SMOC2: variants seen among roughly 807,000 people sequenced by gnomAD.
SMOC2 encodes the protein SPARC-related modular calcium-binding protein 2.
A neutral mutation model predicts 61.4 loss-of-function variants in SMOC2; 39 were observed. The observed-to-expected ratio is 0.64, with a 90% CI of 0.49 to 0.83. The LOEUF is 0.83. Among genes scored for constraint, SMOC2 ranks in the 40% least tolerant of loss-of-function variants. The pLI, the probability that SMOC2 is intolerant of heterozygous loss-of-function variation, is 0.00. For missense variants in SMOC2, 556 were observed against 592.9 expected (o/e 0.94, Z 0.65); for synonymous variants, 247 against 239.9 (o/e 1.03, Z -0.27).
At chr6:168,635,795 C>T (rs756668702) in intron 9 of SMOC2, among the ~76,000 whole-genome samples, 4 of 150,326 alleles carry the variant, frequency 2.7e-5, no homozygotes, top group African/African-American at 4.9e-5. Flanking sequence ...TGCTTGAACC[C>T]GGGAGGCAGA....
intron 1 of SMOC2, among the ~76,000 whole-genome samples, chr6:168,476,766 A>G (rs1207549288): frequency 6.6e-6 from 1 of 152,122 alleles, no homozygotes; most frequent in Non-Finnish European, 1.5e-5. Context: ...ATAATAATTT[A>G]TGTGCATTTC....
At chr6:168,580,296 A>G (rs769180796) in intron 7 of SMOC2, among the ~76,000 whole-genome samples, 2 of 152,204 alleles carry the variant, frequency 1.3e-5, no homozygotes, top group Non-Finnish European at 2.9e-5. Context: ...TGTTTTTTAG[A>G]ACATACATTT....
chr6:168,658,805 A>T lies in SMOC2; in HGVS notation c.1286-5269A>T, dbSNP rs562586979. ...CTGTTCTCCTGGAGGCCCTGCTCCT[A>T]AGTCACCCTTCCAGAGGAACCCATA... On this transcript the variant is annotated intron_variant, in intron 11 of 12. Coordinates refer to ENST00000356284, the MANE Select transcript of SMOC2 (RefSeq NM_001166412.2). Among the ~76,000 whole-genome samples, 4 of 152,182 alleles carry T rather than the reference A, an allele frequency of 2.6e-5. No individual in the cohort carries two copies. In the East Asian group the frequency reaches 7.7e-4, roughly 29 times the overall value.
chr6:168,617,072 G>A lies in SMOC2; in HGVS notation c.907+8833G>A, dbSNP rs114908890. ...AAGAAGGAGCGATATGGCTACTCTT[G>A]CAGCAAGGCCAGCAGAATTCTCAGT... On this transcript the variant is annotated intron_variant, in intron 9 of 12. Coordinates refer to ENST00000356284, the MANE Select transcript of SMOC2 (RefSeq NM_001166412.2). 9.9e-3 allele frequency among the ~76,000 whole-genome samples: 1,507 copies of A among 152,334 alleles called. 24 individuals carry two copies. Among genetic ancestry groups the A allele is most frequent in the African/African-American group, 0.034 (1,426 of 41,574 alleles).
chr6:168,470,752 A>G (rs567805362), intron 1 of SMOC2, among the ~76,000 whole-genome samples: 5 of 152,276 alleles, frequency 3.3e-5, no homozygotes, highest in South Asian at 4.1e-4. Flanking sequence ...ACTTTGTTCT[A>G]TGTTTAAACA....
chr6:168,482,706 T>C (rs1583047615), intron 1 of SMOC2, among the ~76,000 whole-genome samples: 1 of 152,212 alleles, frequency 6.6e-6, no homozygotes, highest in Non-Finnish European at 1.5e-5. Context: ...ATATACACCA[T>C]GATCATGTGG....
intron 7 of SMOC2, among the ~76,000 whole-genome samples, chr6:168,564,152 G>A (rs1028976657): frequency 6.6e-6 from 1 of 152,136 alleles, no homozygotes. Context: ...GACAAAACAC[G>A]AAGTTTCTTG....
intron 7 of SMOC2, among the ~76,000 whole-genome samples, chr6:168,590,758 G>GT (rs887175504): frequency 9.9e-5 from 15 of 152,222 alleles, no homozygotes; most frequent in Admixed American, 7.2e-4. Context: ...TTATTTAAGA[G>GT]TTTTTTTAAT....
rs1783717538 is a variant in SMOC2 at position 168,535,850 on chromosome 6, G to C, written c.464-7775G>C. Among the ~76,000 whole-genome samples, 1 of 152,218 alleles carries C rather than the reference G, an allele frequency of 6.6e-6. No individual in the cohort carries two copies. The highest frequency in any genetic ancestry group is 6.5e-5 in the Admixed American group (1 of 15,286). On this transcript the variant is annotated intron_variant, in intron 4 of 12. Coordinates refer to ENST00000356284, the MANE Select transcript of SMOC2 (RefSeq NM_001166412.2). This position sits in a 1 kb window ranked among gnomAD's most constrained non-coding sequence, Gnocchi z 4.6. ...GGGACACGTGAGGAATAACGCAGCAGTGATGCAGCTTCACGGCACAGGGGC... is the reference window on the plus strand; with the variant it reads ...GGGACACGTGAGGAATAACGCAGCACTGATGCAGCTTCACGGCACAGGGGC...
chr6:168,658,711 G>A (rs1787389444), intron 11 of SMOC2, among the ~76,000 whole-genome samples: 1 of 152,176 alleles, frequency 6.6e-6, no homozygotes, highest in Non-Finnish European at 1.5e-5. Context: ...TGTGATTATG[G>A]TGACAGAATT....
chr6:168,647,529 AC>A (rs1787069976), intron 9 of SMOC2, among the ~76,000 whole-genome samples: 1 of 152,236 alleles, frequency 6.6e-6, no homozygotes, highest in South Asian at 2.1e-4. Flanking sequence ...CGTGCCGGAC[AC>A]AGCTGTCATG....
chr6:168,465,467 G>A (rs752015833), intron 1 of SMOC2, among the ~76,000 whole-genome samples: 55 of 146,854 alleles, frequency 3.7e-4, no homozygotes, highest in Non-Finnish European at 6.2e-4. Flanking sequence ...CAGATCAGCC[G>A]GAAAAAAAAA....
At chr6:168,590,935 G>A (rs1162731312) in intron 7 of SMOC2, among the ~76,000 whole-genome samples, 3 of 152,014 alleles carry the variant, frequency 2.0e-5, no homozygotes. Flanking sequence ...TACAAAGGTA[G>A]CTTTCTACAA....
intron 9 of SMOC2, among the ~76,000 whole-genome samples, chr6:168,648,247 T>C (rs1478395687): frequency 6.6e-6 from 1 of 152,206 alleles, no homozygotes; most frequent in African/African-American, 2.4e-5. Context: ...GGACTGGAAA[T>C]TCATAGAGAG....
In SMOC2 at chr6:168,592,652, T is replaced by G. The variant is rs562942622; in HGVS notation, c.638-6166T>G. ...CACGGGCATCTTTCTAGAGGATCGCTGAGCTCCTCCTCCTTCCTGAGGCCT... is the reference window on the plus strand; with the variant it reads ...CACGGGCATCTTTCTAGAGGATCGCGGAGCTCCTCCTCCTTCCTGAGGCCT... On this transcript the variant is annotated intron_variant, in intron 7 of 12. Transcript: ENST00000356284. Among the ~76,000 whole-genome samples the G allele has an allele frequency of 2.7e-4, 18 of 65,840 alleles. 1 individual carries two copies. The highest frequency in any genetic ancestry group is 6.7e-4 in the South Asian group (1 of 1,488). 43.2% of individuals were successfully genotyped at this position (65,840 alleles called of 152,430 possible).
chr6:168,591,346 A>G (rs1785176177), intron 7 of SMOC2, among the ~76,000 whole-genome samples: 2 of 152,248 alleles, frequency 1.3e-5, no homozygotes, highest in African/African-American at 4.8e-5. Flanking sequence ...AAACCACCAA[A>G]TAGAACTACC....
At chr6:168,564,935 A>G (rs556556737) in intron 7 of SMOC2, among the ~76,000 whole-genome samples, 6 of 152,344 alleles carry the variant, frequency 3.9e-5, no homozygotes, top group African/African-American at 1.2e-4. Context: ...TTTTTCCTTC[A>G]GTCTTGAACA....
intron 8 of SMOC2, among the ~76,000 whole-genome samples, chr6:168,606,987 G>A (rs76399607): frequency 0.081 from 12,325 of 152,188 alleles, 724 homozygotes; most frequent in Non-Finnish European, 0.12. Flanking sequence ...GCTGAGTGGA[G>A]GGGAAGCGAG....
At position 168,523,079 on chromosome 6, in the gene SMOC2, A is replaced by ATTTTTTTTTTTTTT. The variant is rs1554287070; in HGVS notation, c.257-3260_257-3247dup. On this transcript the variant is annotated intron_variant, in intron 2 of 12. Coordinates refer to ENST00000356284, the MANE Select transcript of SMOC2 (RefSeq NM_001166412.2). ...TTATGTTATTTGTAGTTGTACAGTAATTTTTTTTTTTTTTTTTTTTGAGAC... is the reference window on the plus strand; with the variant it reads ...TTATGTTATTTGTAGTTGTACAGTAATTTTTTTTTTTTTTTTTTTTTTTTTTTTTTTTTTGAGAC... 6.4e-4 allele frequency among the ~76,000 whole-genome samples: 60 copies of ATTTTTTTTTTTTTT among 93,622 alleles called. 13 individuals are homozygous for ATTTTTTTTTTTTTT. The highest frequency in any genetic ancestry group is 1.2e-3 in the East Asian group (3 of 2,464). 61.4% of individuals were successfully genotyped at this position (93,622 alleles called of 152,430 possible).
Sources: allele counts gnomAD v4.1 joint callset (sites outside exome capture counted in the v4.1 genomes callset), GRCh38; gene constraint gnomAD v4.1.1; non-coding constraint Gnocchi (gnomAD v3.1); transcripts MANE v1.5; gene names NCBI Gene and HGNC (gene_info 2026-07-23, HGNC 2026-07-21).